The following APOLD1 variants were observed in gnomAD, a reference collection of about 807,000 sequenced individuals.
APOLD1 encodes the protein apolipoprotein L domain containing 1.
APOLD1 carries 22 observed loss-of-function variants against 15.3 expected under a neutral mutation model. The observed-to-expected ratio is 1.44, with a 90% confidence interval of 1.03 to 2.05. APOLD1 has a LOEUF of 2.05. Among genes scored for constraint, APOLD1 ranks in the 30% most tolerant of loss-of-function variants. The probability of loss-of-function intolerance (pLI) is 0.00; values close to 1 mark genes in which losing one functional copy is unlikely to be tolerated. For missense variants in APOLD1, 394 were observed against 353.5 expected (o/e 1.11, Z -0.92); for synonymous variants, 190 against 167.4 (o/e 1.13, Z -1.04).
intron 1 of APOLD1, among the ~76,000 whole-genome samples, chr12:12,754,988 A>T (rs541652414): frequency 1.1e-4 from 17 of 152,066 alleles, no homozygotes; most frequent in African/African-American, 3.9e-4. Context: ...TCAAGGCTGC[A>T]GTGAGCCATG....
At chr12:12,739,717 A>C (rs1946717439) in intron 1 of APOLD1, among the ~76,000 whole-genome samples, 1 of 152,178 alleles carries the variant, frequency 6.6e-6, no homozygotes. Flanking sequence ...TGGGTCTTAA[A>C]AATATGATCC....
At chr12:12,740,331 G>A (rs530244715) in intron 1 of APOLD1, among the ~76,000 whole-genome samples, 1 of 152,266 alleles carries the variant, frequency 6.6e-6, no homozygotes, top group African/African-American at 2.4e-5. Context: ...TGGCCAGGCT[G>A]GTCTTGAACT....
intron 1 of APOLD1, among the ~76,000 whole-genome samples, chr12:12,738,403 A>G (rs1946706325): frequency 6.6e-6 from 1 of 151,906 alleles, no homozygotes; most frequent in Admixed American, 6.6e-5. Flanking sequence ...ATGGGGTCTC[A>G]CTATGTTGCC....
At chr12:12,782,187 A>G (rs1335884074), upstream of APOLD1, among the ~76,000 whole-genome samples, 1 of 152,076 alleles carries the variant, frequency 6.6e-6, no homozygotes, top group Non-Finnish European at 1.5e-5. Flanking sequence ...TGAACCTGGA[A>G]GGCGGAGGCT....
At chr12:12,783,477 T>G (rs748288208), upstream of APOLD1, among the ~76,000 whole-genome samples, 1 of 150,406 alleles carries the variant, frequency 6.6e-6, no homozygotes, top group African/African-American at 2.4e-5. Context: ...CACACAGCTG[T>G]TTTTTTTGTA....
At chr12:12,729,140 C>T (rs1946617270) in intron 1 of APOLD1, among the ~76,000 whole-genome samples, 1 of 151,716 alleles carries the variant, frequency 6.6e-6, no homozygotes, top group Non-Finnish European at 1.5e-5. Flanking sequence ...TCCTTTTTTT[C>T]CCCCAGAATG....
intron 1 of APOLD1, among the ~76,000 whole-genome samples, chr12:12,733,904 G>A (rs747337058): frequency 2.0e-5 from 3 of 152,078 alleles, no homozygotes; most frequent in African/African-American, 4.8e-5. Flanking sequence ...GCGCCCAGCC[G>A]GTATTTCAAA....
intron 1 of APOLD1, among the ~76,000 whole-genome samples, chr12:12,733,451 G>A (rs1004536164): frequency 1.3e-5 from 2 of 152,088 alleles, no homozygotes; most frequent in East Asian, 3.8e-4. Flanking sequence ...CATGTATATA[G>A]GCATACAATT....
chr12:12,785,246 G>A (rs907499351), upstream of APOLD1, among the ~76,000 whole-genome samples: 1 of 152,130 alleles, frequency 6.6e-6, no homozygotes, highest in East Asian at 1.9e-4. Context: ...CAGATATGAG[G>A]GTTTTCCACC....
intron 1 of APOLD1, among the ~76,000 whole-genome samples, chr12:12,754,687 C>T (rs868317106): frequency 2.6e-5 from 4 of 152,030 alleles, no homozygotes; most frequent in South Asian, 4.2e-4. Context: ...CACCTGAGCA[C>T]CCCAAAGTGC....
At chr12:12,748,168 A>G (rs1379019142) in intron 1 of APOLD1, among the ~76,000 whole-genome samples, 3 of 152,190 alleles carry the variant, frequency 2.0e-5, no homozygotes, top group Non-Finnish European at 4.4e-5. Flanking sequence ...ATATTAAGAG[A>G]GTGAAAAAAA....
chr12:12,726,161 A>AG (rs1337944323), intron 1 of APOLD1: 2 of 816,868 alleles, frequency 2.4e-6, no homozygotes, highest in East Asian at 8.7e-5. Context: ...GCAACCAAAA[A>AG]AAAAAAAAAA....
intron 1 of APOLD1, among the ~76,000 whole-genome samples, chr12:12,777,489 G>A (rs1053987191): frequency 5.9e-5 from 9 of 152,188 alleles, no homozygotes; most frequent in South Asian, 2.1e-4. Context: ...TAGCCAGAGC[G>A]AGATTTTTAC....
At position 12,787,314 on chromosome 12, in the gene APOLD1, T is replaced by A. The variant is rs1158359877; in HGVS notation, c.409T>A (p.Cys137Ser). Residue 137 changes from cysteine to serine, a missense_variant, in exon 2 of 2, where the codon TGC becomes AGC. By Grantham distance (112) the Cys-to-Ser change is moderately radical (BLOSUM62 -1). Coordinates refer to ENST00000356591, the MANE Select transcript of APOLD1 (RefSeq NM_030817.3). This position sits in a 1 kb window ranked among gnomAD's most constrained non-coding sequence, Gnocchi z 4.9. ...GGACCAGATGCGAGAGATCCTGAGC[T>A]GCCTCGAGTTTTTCTGCCGCTGGCA... ...CQDQMREILS[C>S]LEFFCRWQGC... 2 of 1,613,220 alleles carry A rather than the reference T, an allele frequency of 1.2e-6. No individual in the cohort carries two copies. Among genetic ancestry groups the A allele is most frequent in the Middle Eastern group, 1.6e-4 (1 of 6,062 alleles).
chr12:12,774,546 C>CAAAAAAAAAAAAAA (rs57343706), intron 1 of APOLD1, among the ~76,000 whole-genome samples: 213 of 42,284 alleles, frequency 5.0e-3, no homozygotes, highest in Middle Eastern at 0.024. Flanking sequence ...ACTCTAACTC[C>CAAAAAAAAAAAAAA]AAAAAAAAAA....
At chr12:12,729,467 C>T (rs1322991205) in intron 1 of APOLD1, among the ~76,000 whole-genome samples, 2 of 151,866 alleles carry the variant, frequency 1.3e-5, no homozygotes, top group Non-Finnish European at 2.9e-5. Context: ...TCTACGTTGC[C>T]TAGGCTGGTC....
chr12:12,736,224 G>A (rs989821307), intron 1 of APOLD1, among the ~76,000 whole-genome samples: 1 of 152,104 alleles, frequency 6.6e-6, no homozygotes, highest in South Asian at 2.1e-4. Context: ...GGTGGTGTGT[G>A]CCTGTAATCC....
At chr12:12,753,119 A>C (rs998877143) in intron 1 of APOLD1, among the ~76,000 whole-genome samples, 1 of 152,202 alleles carries the variant, frequency 6.6e-6, no homozygotes, top group African/African-American at 2.4e-5. Flanking sequence ...CATACATCTA[A>C]AAGGACATTG....
chr12:12,754,075 C>T (rs539859954), intron 1 of APOLD1, among the ~76,000 whole-genome samples: 21 of 151,038 alleles, frequency 1.4e-4, no homozygotes, highest in South Asian at 6.3e-4. Context: ...ATTAACTGGG[C>T]GCCTGTAATC....
Sources: allele counts gnomAD v4.1 joint callset (sites outside exome capture counted in the v4.1 genomes callset), GRCh38; gene constraint gnomAD v4.1.1; non-coding constraint Gnocchi (gnomAD v3.1); transcripts MANE v1.5; gene names NCBI Gene and HGNC (gene_info 2026-07-23, HGNC 2026-07-21).